The following NDUFS1 variants were observed in gnomAD, a reference collection of about 807,000 sequenced individuals.
NDUFS1 encodes NADH:ubiquinone oxidoreductase core subunit S1.
NDUFS1 carries 61 observed loss-of-function variants against 84.4 expected under a neutral mutation model. The ratio of observed to expected loss-of-function variants is 0.72; its 90% CI spans 0.59 to 0.89. The LOEUF is 0.89. NDUFS1 is among the 40% of genes least tolerant of loss of function. NDUFS1 has a pLI of 0.00. For missense variants in NDUFS1, 891 were observed against 890.0 expected, an observed-to-expected ratio of 1.00 and a Z score of -0.01; for synonymous variants, 275 against 290.0, an observed-to-expected ratio of 0.95 and a Z score of 0.53.
Position 206,123,988 on chromosome 2 carries a change from T to A in NDUFS1, c.*197A>T. On this transcript the variant is annotated 3_prime_UTR_variant, in exon 19 of 19. Transcript: ENST00000233190. ...ATCTGCATAGTTTTGTTATTTAACC[T>A]TTACACACAATACATGTTTTTCAAA... is the stretch of plus-strand genomic sequence containing the variant. 5.3e-6 allele frequency: 3 copies of A among 566,366 alleles called. No individual in the cohort carries two copies. Among genetic ancestry groups the A allele is most frequent in the Non-Finnish European group, 9.3e-6 (3 of 321,202 alleles). The allele number at this position is 566,366 out of a possible 1,614,324, so 35.1% of individuals were successfully genotyped here.
chr2:206,141,820 C>A (rs1229034847), intron 12 of NDUFS1, 121 bp downstream of exon 12: 23 of 773,474 alleles, frequency 3.0e-5, no homozygotes, highest in Middle Eastern at 3.4e-4. Flanking sequence ...AAAAAATTGT[C>A]TTCCAGTTAT....
chr2:206,142,675 A>C lies in NDUFS1; in HGVS notation c.1133+11T>G. On this transcript the variant is annotated intron_variant, in intron 11 of 18. Transcript: ENST00000233190. ...AAAGGAAAGCCTAGATCCTAGCTTC[A>C]TATTTCTCACCCAGCTCCTGCAGTG... 1 of 1,614,182 alleles carries C rather than the reference A, an allele frequency of 6.2e-7. No homozygotes were observed. Among genetic ancestry groups the C allele is most frequent in the East Asian group, 2.2e-5 (1 of 44,888 alleles).
At chr2:206,141,798 CAAA>C (rs200961205) in intron 12 of NDUFS1, 140 bp downstream of exon 12, 2,006 of 509,434 alleles carry the variant, frequency 3.9e-3, no homozygotes, top group Non-Finnish European at 4.2e-3. Context: ...TCCGTCCCAC[CAAA>C]AAAAAAAAAA....
chr2:206,146,478 T>C (rs1172483644), intron 8 of NDUFS1, among the ~76,000 whole-genome samples: 1 of 151,708 alleles, frequency 6.6e-6, no homozygotes, highest in African/African-American at 2.4e-5. Flanking sequence ...GAATGAGAGA[T>C]ATACACAGAA....
chr2:206,129,783 G>T (rs1440119750), intron 15 of NDUFS1, among the ~76,000 whole-genome samples: 4 of 151,796 alleles, frequency 2.6e-5, no homozygotes, highest in African/African-American at 9.7e-5. Flanking sequence ...GTACAGACAG[G>T]GTTTTACCAT....
intron 14 of NDUFS1, among the ~76,000 whole-genome samples, chr2:206,130,570 G>A (rs997231424): frequency 6.6e-6 from 1 of 152,058 alleles, no homozygotes; most frequent in African/African-American, 2.4e-5. Flanking sequence ...GGCCAGGCTG[G>A]TCTTGAACTC....
chr2:206,142,372 C>T (rs1347425997), intron 11 of NDUFS1, among the ~76,000 whole-genome samples: 1 of 152,126 alleles, frequency 6.6e-6, no homozygotes, highest in South Asian at 2.1e-4. Flanking sequence ...ACCACCACGT[C>T]TGGCTAATTT....
chr2:206,159,223 G>T lies in NDUFS1; in HGVS notation c.-5+118C>A, dbSNP rs1047518787. The T allele has an allele frequency of 1.1e-5, 15 of 1,332,356 alleles. No homozygotes were observed. The East Asian group carries it at 3.8e-4, about 33-fold the overall frequency. The allele number at this position is 1,332,356 out of a possible 1,614,324, so 82.5% of individuals were successfully genotyped here. ...GGCTTCCGAGGCGGCGGGGCGGGAG[G>T]CGGCGCCCAGTCAAGGACAACAGAA... On this transcript the variant is annotated intron_variant, in intron 1 of 18. Coordinates refer to ENST00000233190, the MANE Select transcript of NDUFS1 (RefSeq NM_005006.7).
In NDUFS1 at chr2:206,147,585, C is replaced by T; in HGVS notation, c.497G>A (p.Gly166Glu). Residue 166 changes from glycine to glutamate, a missense_variant, in exon 7 of 19, where the codon GGG becomes GAG. Gly to Glu is a moderately conservative substitution (Grantham distance 98, BLOSUM62 -2). Coordinates refer to ENST00000233190, the MANE Select transcript of NDUFS1 (RefSeq NM_005006.7). ...TGTCATGATGGTCTTTACCAATGGC[C>T]CAATGTTCTTGTCTTCCACAGCACG... ...GKRAVEDKNI[G>E]PLVKTIMTRC... 6.2e-7 allele frequency: 1 copy of T among 1,614,150 alleles called. No individual in the cohort carries two copies. The highest frequency in any genetic ancestry group is 1.3e-5 in the African/African-American group (1 of 75,036).
intron 13 of NDUFS1, among the ~76,000 whole-genome samples, chr2:206,136,536 C>T (rs1238963682): frequency 3.3e-5 from 5 of 149,488 alleles, no homozygotes; most frequent in Non-Finnish European, 7.4e-5. Context: ...TGGGTTCAAG[C>T]GATTCTCCAC....
chr2:206,130,038 T>C, intron 15 of NDUFS1, 50 bp downstream of exon 15: 1 of 1,604,280 alleles, frequency 6.2e-7, no homozygotes, highest in South Asian at 1.1e-5. Context: ...GTTTCTAACA[T>C]ACATAATGTA....
chr2:206,156,801 T>C (rs1687672874), intron 1 of NDUFS1, among the ~76,000 whole-genome samples: 1 of 152,236 alleles, frequency 6.6e-6, no homozygotes, highest in Admixed American at 6.5e-5. Context: ...CCAATCTGTT[T>C]CCTGCTAGTG....
chr2:206,144,174 A>C, intron 9 of NDUFS1, 42 bp from the exon 10 acceptor site: 2 of 1,425,896 alleles, frequency 1.4e-6, no homozygotes, highest in Non-Finnish European at 2.0e-6. Flanking sequence ...CTTGCTAAAG[A>C]AGTAACTATA....
intron 1 of NDUFS1, among the ~76,000 whole-genome samples, chr2:206,158,442 C>G (rs1687764533): frequency 1.3e-5 from 2 of 152,154 alleles, no homozygotes; most frequent in South Asian, 2.1e-4. Context: ...TACGATTCCC[C>G]CAGCATATCA....
intron 1 of NDUFS1, among the ~76,000 whole-genome samples, chr2:206,157,203 G>C (rs1198752613): frequency 6.6e-6 from 1 of 152,138 alleles, no homozygotes; most frequent in Non-Finnish European, 1.5e-5. Flanking sequence ...CACCCGCGTC[G>C]ACCTCCCAAC....
In NDUFS1 at chr2:206,141,968, G is replaced by A. The variant is rs751150787; in HGVS notation, c.1235C>T (p.Pro412Leu). ...LVGTNPRFEA[P>L]LFNARIRKSW... ...CTTTCGAATTCTAGCATTAAACAGT[G>A]GTGCCTCAAAACGTGGGTTTGTACC... is the stretch of plus-strand genomic sequence containing the variant. Residue 412 changes from proline to leucine, a missense_variant, in exon 12 of 19, where the codon CCA becomes CTA. Transcript: ENST00000233190. 8.7e-6 allele frequency: 14 copies of A among 1,610,636 alleles called. No individual in the cohort carries two copies. The highest frequency in any genetic ancestry group is 1.2e-5 in the Non-Finnish European group (14 of 1,177,120).
At chr2:206,147,498 T>A in intron 7 of NDUFS1, 33 bp downstream of exon 7, 1 of 1,574,514 alleles carries the variant, frequency 6.4e-7, no homozygotes, top group East Asian at 2.3e-5. Flanking sequence ...TACAATTATA[T>A]TCTATAATAG....
chr2:206,149,814 G>T lies in NDUFS1; in HGVS notation c.261+4C>A. 1 of 1,605,240 alleles carries T rather than the reference G, an allele frequency of 6.2e-7. No homozygotes were observed. The highest frequency in any genetic ancestry group is 8.5e-7 in the Non-Finnish European group (1 of 1,173,134). ...CATGGTGTAGAATTTTAGGTATCAA[G>T]TACCTTAGGGGCTTTCTCAATTTCA... On this transcript the variant is annotated splice_donor_region_variant and intron_variant, in intron 4 of 18. Coordinates refer to ENST00000233190, the MANE Select transcript of NDUFS1 (RefSeq NM_005006.7).
chr2:206,138,025 T>A (rs1691786673), intron 13 of NDUFS1, among the ~76,000 whole-genome samples: 1 of 152,178 alleles, frequency 6.6e-6, no homozygotes, highest in African/African-American at 2.4e-5. Context: ...TATCAATACC[T>A]GTTTTGGGGT....
Sources: allele counts gnomAD v4.1 joint callset (sites outside exome capture counted in the v4.1 genomes callset), GRCh38; gene constraint gnomAD v4.1.1; transcripts MANE v1.5; gene names NCBI Gene and HGNC (gene_info 2026-07-23, HGNC 2026-07-21).